The following SLC17A1 variants were observed in gnomAD, a reference collection of about 807,000 sequenced individuals.
SLC17A1 encodes solute carrier family 17 member 1, also known as sodium-dependent phosphate transport protein 1.
Under a neutral mutation model 53.5 loss-of-function variants are expected in SLC17A1, and 51 were observed. The observed-to-expected ratio is 0.95, with a 90% CI of 0.76 to 1.20. The LOEUF is 1.20. Ranked by LOEUF, SLC17A1 falls within the 50% of genes most tolerant of loss-of-function variation. The pLI is 0.00. For missense variants in SLC17A1, 538 were observed against 568.2 expected (o/e 0.95, Z 0.54); for synonymous variants, 179 against 198.8 (o/e 0.90, Z 0.84).
Position 25,808,246 on chromosome 6 carries a change from C to T in SLC17A1, c.1178+3152G>A, listed in dbSNP as rs58224173. ...TGTGGAGCATTTTTTCTTATGTTTG[C>T]CACCAAATGCCATATGTTTTTCACT... On this transcript the variant is annotated intron_variant, in intron 10 of 12. Transcript: ENST00000244527. Among the ~76,000 whole-genome samples the T allele has an allele frequency of 3.0e-3, 447 of 151,272 alleles. 4 individuals carry two copies. The highest frequency in any genetic ancestry group is 9.8e-3 in the African/African-American group (405 of 41,370).
At chr6:25,795,957 G>T (rs1333405584) in intron 12 of SLC17A1, among the ~76,000 whole-genome samples, 1 of 152,090 alleles carries the variant, frequency 6.6e-6, no homozygotes, top group African/African-American at 2.4e-5. Context: ...AAGAAAAATG[G>T]ATAGAAATAA....
At chr6:25,749,944 T>G in the SLC17A1 span, among the ~76,000 whole-genome samples, 2 of 152,256 alleles carry the variant, frequency 1.3e-5, no homozygotes, top group African/African-American at 2.4e-5. Context: ...GGATCACAGC[T>G]GCTGCTGGCC....
At chr6:25,744,688 A>G in the SLC17A1 span, among the ~76,000 whole-genome samples, 1 of 152,090 alleles carries the variant, frequency 6.6e-6, no homozygotes, top group Non-Finnish European at 1.5e-5. Context: ...TCTCTTCCCA[A>G]CTCTGCATTC....
the SLC17A1 span, chr6:25,773,467 G>C: frequency 3.2e-5 from 52 of 1,612,858 alleles, no homozygotes; most frequent in Admixed American, 4.7e-4. Flanking sequence ...GTGATAGAGA[G>C]AGCTGCCTTC....
At chr6:25,803,607 G>A (rs1763858123) in intron 10 of SLC17A1, among the ~76,000 whole-genome samples, 1 of 151,956 alleles carries the variant, frequency 6.6e-6, no homozygotes, top group Non-Finnish European at 1.5e-5. Context: ...TTGCCAAACA[G>A]GTCTGGATTA....
At chr6:25,769,981 C>A in the SLC17A1 span, 1 of 1,119,014 alleles carries the variant, frequency 8.9e-7, no homozygotes, top group Non-Finnish European at 1.3e-6. Context: ...AGATAACTGC[C>A]AATTAATTTT....
At chr6:25,763,955 G>T in the SLC17A1 span, among the ~76,000 whole-genome samples, 1 of 152,190 alleles carries the variant, frequency 6.6e-6, no homozygotes, top group Admixed American at 6.5e-5. Flanking sequence ...GGGACTGGAA[G>T]ATTCCACAAA....
chr6:25,832,009 A>G lies in SLC17A1; in HGVS notation c.-66T>C, dbSNP rs1402096519. 2.0e-5 allele frequency: 3 copies of G among 152,190 alleles called. No individual in the cohort carries two copies. The highest frequency in any genetic ancestry group is 2.0e-4 in the Admixed American group (3 of 15,276). The allele number at this position is 152,190 out of a possible 1,614,324, so 9.4% of individuals were successfully genotyped here. ...GTAGACTAACCTGATTCGGGACAAA[A>G]AAGTGATTTCTTCTTCCGCTGTGAA... On this transcript the variant is annotated 5_prime_UTR_variant, in exon 1 of 13. Transcript: ENST00000244527.
At chr6:25,776,543 C>T in the SLC17A1 span, 83 of 1,544,126 alleles carry the variant, frequency 5.4e-5, no homozygotes, top group Non-Finnish European at 6.4e-5. Flanking sequence ...TTGTCTGTGT[C>T]GTGGTGGGGG....
the SLC17A1 span, chr6:25,761,992 A>G: frequency 6.2e-7 from 1 of 1,613,244 alleles, no homozygotes; most frequent in Non-Finnish European, 8.5e-7. Flanking sequence ...TCAAGGCTAC[A>G]GTGGGGGACA....
chr6:25,744,515 A>C, the SLC17A1 span, among the ~76,000 whole-genome samples: 1 of 152,204 alleles, frequency 6.6e-6, no homozygotes, highest in Admixed American at 6.5e-5. Context: ...GTTGTTAAAC[A>C]CCACCATTAT....
downstream of SLC17A1, chr6:25,780,447 T>C (rs1490520947): frequency 2.0e-5 from 3 of 152,288 alleles, no homozygotes; most frequent in African/African-American, 2.4e-5. Flanking sequence ...TGAAGGATAA[T>C]AGTTAACTGT....
chr6:25,768,185 C>A, the SLC17A1 span, among the ~76,000 whole-genome samples: 5 of 152,104 alleles, frequency 3.3e-5, no homozygotes, highest in African/African-American at 9.7e-5. Flanking sequence ...CAGAGTTGAA[C>A]CAAAGGTAAG....
At chr6:25,726,014 T>G in the SLC17A1 span, 1 of 887,556 alleles carries the variant, frequency 1.1e-6, no homozygotes, top group Non-Finnish European at 1.7e-6. Context: ...GTAAGATGGC[T>G]GGTTAACAGC....
chr6:25,830,464 T>A, intron 2 of SLC17A1, 60 bp downstream of exon 2: 1 of 1,241,164 alleles, frequency 8.1e-7, no homozygotes, highest in Non-Finnish European at 1.2e-6. Context: ...CCACATGGAA[T>A]CTGTGATGTA....
At chr6:25,795,134 C>T (rs1274114122) in intron 12 of SLC17A1, among the ~76,000 whole-genome samples, 1 of 152,138 alleles carries the variant, frequency 6.6e-6, no homozygotes, top group Non-Finnish European at 1.5e-5. Flanking sequence ...GTTCCCAGAG[C>T]CCCTCTGCCA....
At chr6:25,786,869 G>A (rs762126754) in intron 12 of SLC17A1, among the ~76,000 whole-genome samples, 2 of 152,114 alleles carry the variant, frequency 1.3e-5, no homozygotes, top group South Asian at 4.1e-4. Context: ...GAGAAGGTCC[G>A]CCTGCAGCTT....
chr6:25,811,371 A>T (rs529071136), intron 10 of SLC17A1, 27 bp downstream of exon 10: 3 of 1,539,600 alleles, frequency 1.9e-6, no homozygotes, highest in East Asian at 2.3e-5. Context: ...GTTAAAGGTT[A>T]AAAAAAAGCG....
the SLC17A1 span, among the ~76,000 whole-genome samples, chr6:25,754,041 A>T: frequency 2.6e-5 from 4 of 152,166 alleles, no homozygotes; most frequent in Admixed American, 1.3e-4. Context: ...ATCAAGAAGG[A>T]ACGAGTGGTG....
Sources: allele counts gnomAD v4.1 joint callset (sites outside exome capture counted in the v4.1 genomes callset), GRCh38; gene constraint gnomAD v4.1.1; transcripts MANE v1.5; gene names NCBI Gene and HGNC (gene_info 2026-07-23, HGNC 2026-07-21).